GREB1: variants seen among roughly 807,000 people sequenced by gnomAD.
The protein encoded by GREB1 is growth regulating estrogen receptor binding 1.
Under a neutral mutation model 200.7 loss-of-function variants are expected in GREB1, and 106 were observed. The ratio of observed to expected loss-of-function variants is 0.53; its 90% CI spans 0.45 to 0.62. GREB1 has a LOEUF of 0.62. GREB1 is among the 20% of genes least tolerant of loss of function. GREB1 has a pLI of 0.00. For missense variants in GREB1, 2,243 were observed against 2,556.8 expected (o/e 0.88, Z 2.65); for synonymous variants, 1,132 against 1,092.4 (o/e 1.04, Z -0.72).
At chr2:11,636,822 G>GGATAGA (rs766764413) in intron 30 of GREB1, among the ~76,000 whole-genome samples, 16,509 of 143,456 alleles carry the variant, frequency 0.12, 1,406 homozygotes, top group Non-Finnish European at 0.17. Context: ...ACAGAGGCAG[G>GGATAGA]GGCAGGGACA....
At chr2:11,582,463 C>T (rs1354742368) in intron 7 of GREB1, among the ~76,000 whole-genome samples, 2 of 152,204 alleles carry the variant, frequency 1.3e-5, no homozygotes, top group African/African-American at 2.4e-5. Flanking sequence ...TCTGTGCCTG[C>T]GTCCCGGCTC....
rs145446156 is a variant in GREB1 at position 11,541,606 on chromosome 2, A to G, written c.-162+7352A>G. Among the ~76,000 whole-genome samples, 781 of 152,286 alleles carry G rather than the reference A, an allele frequency of 5.1e-3. 5 individuals are homozygous for G. The highest frequency in any genetic ancestry group is 0.031 in the Middle Eastern group (9 of 294). ...GCTCCTCGTGCTACTCACCCTGCAC[A>G]GAGGCAGTCTTTAGTCCTCTTTGAG... On this transcript the variant is annotated intron_variant, in intron 1 of 32. Transcript: ENST00000381486.
chr2:11,624,899 C>T (rs1156517283), intron 23 of GREB1, among the ~76,000 whole-genome samples: 2 of 152,006 alleles, frequency 1.3e-5, no homozygotes, highest in African/African-American at 4.8e-5. Context: ...CCAATGTGGC[C>T]CAGGGAATCC....
chr2:11,598,761 AG>A lies in GREB1; in HGVS notation c.2236del (p.Ala746HisfsTer22). The A allele has an allele frequency of 6.2e-7, 1 of 1,614,124 alleles. No individual in the cohort carries two copies. The highest frequency in any genetic ancestry group is 8.5e-7 in the Non-Finnish European group (1 of 1,179,940). The stretch of plus-strand genomic sequence containing the variant: ...CAGTATGTTCTGAAGCTAGACACGG[AG>A]GCACAGACAAAATTTAAGGCTTTTC... Reference protein sequence around the residue: ...VEQYVLKLDTEAQTKFKAFLQ... With the variant: ...VEQYVLKLDTXAQTKFKAFLQ... On this transcript the variant is annotated frameshift_variant, in exon 15 of 33. Coordinates refer to ENST00000381486, the MANE Select transcript of GREB1 (RefSeq NM_014668.4). LOFTEE classifies it high-confidence loss of function.
chr2:11,630,167 C>T lies in GREB1; in HGVS notation c.4611+58C>T, dbSNP rs141399143. The stretch of plus-strand genomic sequence containing the variant: ...AAGTGGCTTCAACTGGGGACTGAGC[C>T]GGGGACTAGAGACAGAGCTTCCTGT... On this transcript the variant is annotated intron_variant, in intron 26 of 32. Coordinates refer to ENST00000381486, the MANE Select transcript of GREB1 (RefSeq NM_014668.4). 1.0e-3 allele frequency: 1,560 copies of T among 1,548,866 alleles called. 13 individuals carry two copies. The African/African-American group carries it at 0.017, about 16-fold the overall frequency.
Position 11,578,390 on chromosome 2 carries a change from C to G in GREB1, c.731C>G (p.Pro244Arg). 1 of 1,614,026 alleles carries G rather than the reference C, an allele frequency of 6.2e-7. No individual in the cohort carries two copies. The highest frequency in any genetic ancestry group is 8.5e-7 in the Non-Finnish European group (1 of 1,180,006). The change falls in exon 6 of 33, where the codon CCT becomes CGT. Residue 244 changes from proline to arginine, a missense_variant. By Grantham distance (103) the Pro-to-Arg change is moderately radical. Coordinates refer to ENST00000381486, the MANE Select transcript of GREB1 (RefSeq NM_014668.4). Reference sequence around the variant, plus strand: ...GCTGCCTTCCCCAGCGAGCCCGTTCCTGGGACGAACCCCAGCATCCTGATG... The same window carrying G: ...GCTGCCTTCCCCAGCGAGCCCGTTCGTGGGACGAACCCCAGCATCCTGATG... ...STAAFPSEPVPGTNPSILMGA... is the reference protein window; with the variant it reads ...STAAFPSEPVRGTNPSILMGA...
chr2:11,608,371 C>A (rs568625426), intron 17 of GREB1, among the ~76,000 whole-genome samples: 1 of 152,226 alleles, frequency 6.6e-6, no homozygotes, highest in South Asian at 2.1e-4. Flanking sequence ...ATTCCTAGGT[C>A]AGTTTCTACT....
chr2:11,524,048 C>T (rs1367127129), intron 1 of GREB1, among the ~76,000 whole-genome samples: 1 of 138,218 alleles, frequency 7.2e-6, no homozygotes, highest in Non-Finnish European at 1.5e-5. Flanking sequence ...CGTGCATGCA[C>T]ACTCACACAC....
At chr2:11,575,810 G>A (rs1036710451) in intron 4 of GREB1, among the ~76,000 whole-genome samples, 18 of 152,184 alleles carry the variant, frequency 1.2e-4, no homozygotes, top group Non-Finnish European at 1.9e-4. Context: ...AGAGCCTGTC[G>A]CATCATTTCA....
rs953113070 is a variant in GREB1, at chr2:11,580,004, A to C, written c.773-700A>C. Reference sequence around the variant, plus strand: ...AGTTCTACATGGCTGTGGAGGCCTCACAATCATGGCAAAAGGCAAAGGAGA... The same window carrying C: ...AGTTCTACATGGCTGTGGAGGCCTCCCAATCATGGCAAAAGGCAAAGGAGA... On this transcript the variant is annotated intron_variant, in intron 6 of 32. Coordinates refer to ENST00000381486, the MANE Select transcript of GREB1 (RefSeq NM_014668.4). This position sits in a 1 kb window ranked among gnomAD's most constrained non-coding sequence, Gnocchi z 4.5. 6.6e-6 allele frequency among the ~76,000 whole-genome samples: 1 copy of C among 152,250 alleles called. No homozygotes were observed. Among genetic ancestry groups the C allele is most frequent in the Non-Finnish European group, 1.5e-5 (1 of 68,046 alleles).
At chr2:11,530,523 C>T (rs111969445), upstream of GREB1, among the ~76,000 whole-genome samples, 4,959 of 145,196 alleles carry the variant, frequency 0.034, 289 homozygotes, top group African/African-American at 0.12. Context: ...GCTGAGATTG[C>T]ACCACTGCTC....
At chr2:11,552,716 A>G (rs1316350084) in intron 1 of GREB1, among the ~76,000 whole-genome samples, 4 of 152,170 alleles carry the variant, frequency 2.6e-5, no homozygotes, top group African/African-American at 9.7e-5. Flanking sequence ...GGAATAACAA[A>G]AAGAGCCGCA....
At chr2:11,604,705 C>T (rs758625076) in intron 17 of GREB1, among the ~76,000 whole-genome samples, 9 of 152,210 alleles carry the variant, frequency 5.9e-5, no homozygotes, top group Non-Finnish European at 1.2e-4. Flanking sequence ...TTGGTGGCAA[C>T]ATGGACTGCA....
chr2:11,581,018 CTA>C (rs1373234903), intron 7 of GREB1, 186 bp downstream of exon 7: 1 of 737,016 alleles, frequency 1.4e-6, no homozygotes, highest in East Asian at 2.7e-5. Context: ...CCCTGGTGCT[CTA>C]TGAGTGACAC....
Position 11,598,720 on chromosome 2 carries a change from G to C in GREB1, c.2193G>C (p.Thr731=). ...LELGLKKEHM[T]KQRVEQYVLK... ...TTGGTCTGAAGAAAGAGCACATGAC[G>C]AAGCAGAGGGTGGAACAGTATGTTC... The change falls in exon 15 of 33, where the codon ACG becomes ACC. Residue 731 remains threonine (T), a synonymous_variant. Coordinates refer to ENST00000381486, the MANE Select transcript of GREB1 (RefSeq NM_014668.4). 6.2e-7 allele frequency: 1 copy of C among 1,614,182 alleles called. No homozygotes were observed. Among genetic ancestry groups the C allele is most frequent in the African/African-American group, 1.3e-5 (1 of 75,040 alleles).
intron 1 of GREB1, among the ~76,000 whole-genome samples, chr2:11,550,063 A>G (rs1675656068): frequency 6.6e-6 from 1 of 152,104 alleles, no homozygotes; most frequent in Admixed American, 6.5e-5. Flanking sequence ...TGCTAAAAGT[A>G]CAAAAATTAG....
At position 11,575,474 on chromosome 2, in the gene GREB1, T is replaced by TA. The variant is rs1678754663; in HGVS notation, c.455-878dup. Among the ~76,000 whole-genome samples the TA allele has an allele frequency of 2.0e-5, 3 of 152,196 alleles. No homozygotes were observed. The South Asian group carries it at 6.2e-4, about 32-fold the overall frequency. On this transcript the variant is annotated intron_variant, in intron 4 of 32. Coordinates refer to ENST00000381486, the MANE Select transcript of GREB1 (RefSeq NM_014668.4). ...AGGTGGTTTGGTTGTTGCCACTGCG[T>TA]AGGAAGCCTGCTTAGAGTCTCACAG...
rs192140950 is a variant in GREB1 at position 11,566,276 on chromosome 2, C to T, written c.278-204C>T. Among the ~76,000 whole-genome samples, 5 of 152,298 alleles carry T rather than the reference C, an allele frequency of 3.3e-5. No homozygotes were observed. The East Asian group carries it at 9.6e-4, about 29-fold the overall frequency. On this transcript the variant is annotated intron_variant, in intron 3 of 32. Coordinates refer to ENST00000381486, the MANE Select transcript of GREB1 (RefSeq NM_014668.4). ...AAGTGATCCTCCCGACTTGGCTTCC[C>T]AAAGTGCTGGGATTACAGGCGTGAG...
At chr2:11,585,042 A>C in intron 7 of GREB1, 119 bp from the exon 8 acceptor site, 1 of 525,016 alleles carries the variant, frequency 1.9e-6, no homozygotes. Context: ...ACCCACGTGA[A>C]TCTGTGATTA....
Sources: gnomAD v4.1 joint callset for allele counts (sites outside exome capture counted in the v4.1 genomes callset) on GRCh38, gnomAD v4.1.1 for gene constraint, Gnocchi (gnomAD v3.1) non-coding constraint, MANE v1.5 for transcripts, NCBI Gene and HGNC (gene_info 2026-07-23, HGNC 2026-07-21) for gene names.